IQGAP2: variants seen among roughly 807,000 people sequenced by gnomAD.
IQGAP2 encodes IQ motif containing GTPase activating protein 2.
Under a neutral mutation model 201.3 loss-of-function variants are expected in IQGAP2, and 173 were observed. The observed-to-expected ratio is 0.86, with a 90% CI of 0.76 to 0.98. The LOEUF is 0.98. Among genes scored for constraint, IQGAP2 ranks in the 50% least tolerant of loss-of-function variants. The pLI is 0.00. For missense variants in IQGAP2, 1,687 were observed against 1,864.8 expected, an observed-to-expected ratio of 0.90 and a Z score of 1.76; for synonymous variants, 675 against 673.9, an observed-to-expected ratio of 1.00 and a Z score of -0.03.
chr5:76,493,970 A>T (rs1394875434), intron 2 of IQGAP2, among the ~76,000 whole-genome samples: 1 of 152,196 alleles, frequency 6.6e-6, no homozygotes, highest in Non-Finnish European at 1.5e-5. Flanking sequence ...GTGATGTAGT[A>T]TTTGCATATA....
intron 2 of IQGAP2, among the ~76,000 whole-genome samples, chr5:76,536,945 T>C (rs1271773475): frequency 2.0e-5 from 3 of 152,176 alleles, no homozygotes; most frequent in African/African-American, 7.2e-5. Context: ...CCTTCTAGTA[T>C]CACTGAGGGA....
chr5:76,579,145 C>T lies in IQGAP2; in HGVS notation c.458+3376C>T, dbSNP rs1333222226. 2.6e-5 allele frequency among the ~76,000 whole-genome samples: 4 copies of T among 152,114 alleles called. No individual in the cohort carries two copies. The South Asian group carries it at 6.2e-4, about 24-fold the overall frequency. On this transcript the variant is annotated intron_variant, in intron 5 of 35. Transcript: ENST00000274364. ...AAATGCCCAGGTACGTTATTACAAACTTACTACACTGGAACCTATTCTGTA... is the reference window on the plus strand; with the variant it reads ...AAATGCCCAGGTACGTTATTACAAATTTACTACACTGGAACCTATTCTGTA...
At chr5:76,641,539 G>A (rs1333277745) in intron 17 of IQGAP2, among the ~76,000 whole-genome samples, 2 of 152,170 alleles carry the variant, frequency 1.3e-5, no homozygotes, top group African/African-American at 4.8e-5. Context: ...CTCTAAGAAT[G>A]TCTTCTACCT....
chr5:76,609,460 A>C (rs1748082407), intron 12 of IQGAP2, among the ~76,000 whole-genome samples: 1 of 152,234 alleles, frequency 6.6e-6, no homozygotes, highest in Non-Finnish European at 1.5e-5. Flanking sequence ...AATGATTTCT[A>C]GGAGTTTTAG....
chr5:76,489,210 G>A (rs1756368163), intron 2 of IQGAP2, among the ~76,000 whole-genome samples: 1 of 152,146 alleles, frequency 6.6e-6, no homozygotes, highest in African/African-American at 2.4e-5. Flanking sequence ...CCTGCCTGGT[G>A]GGAGCAGGTT....
At chr5:76,553,433 A>G (rs1400645304) in intron 2 of IQGAP2, among the ~76,000 whole-genome samples, 3 of 152,202 alleles carry the variant, frequency 2.0e-5, no homozygotes, top group Non-Finnish European at 2.9e-5. Context: ...TACCGTCAGG[A>G]TACTTATTCC....
intron 2 of IQGAP2, among the ~76,000 whole-genome samples, chr5:76,531,253 C>T (rs547222159): frequency 6.6e-6 from 1 of 152,116 alleles, no homozygotes; most frequent in Non-Finnish European, 1.5e-5. Context: ...TGCAAGCTTG[C>T]CTTTTTAATT....
chr5:76,647,432 T>C (rs456801), intron 17 of IQGAP2, among the ~76,000 whole-genome samples: 98,030 of 151,948 alleles, frequency 0.65, 31,865 homozygotes, highest in South Asian at 0.82. Context: ...TCCATAATTC[T>C]TGCATGTTGT....
chr5:76,686,483 T>C (rs1651340267), intron 30 of IQGAP2, among the ~76,000 whole-genome samples: 1 of 152,050 alleles, frequency 6.6e-6, no homozygotes, highest in Admixed American at 6.6e-5. Flanking sequence ...GAGACAGGTG[T>C]CCACCTTCAT....
chr5:76,634,326 A>G (rs1750954464), intron 15 of IQGAP2, among the ~76,000 whole-genome samples: 2 of 151,860 alleles, frequency 1.3e-5, no homozygotes, highest in Admixed American at 1.3e-4. Context: ...CAGCAGGGCA[A>G]TCTTGGCTCA....
intron 2 of IQGAP2, among the ~76,000 whole-genome samples, chr5:76,474,246 C>T (rs1755281281): frequency 6.6e-6 from 1 of 152,018 alleles, no homozygotes; most frequent in South Asian, 2.1e-4. Flanking sequence ...TCTCTATACA[C>T]CATGTTGAGT....
chr5:76,515,872 C>CTTTT lies in IQGAP2; in HGVS notation c.147-46504_147-46501dup, dbSNP rs71604295. Among the ~76,000 whole-genome samples the CTTTT allele has an allele frequency of 1.0e-3, 104 of 102,692 alleles. 1 individual carries two copies. The highest frequency in any genetic ancestry group is 1.7e-3 in the African/African-American group (43 of 25,304). 67.4% of individuals were successfully genotyped at this position (102,692 alleles called of 152,430 possible). A position where few individuals can be genotyped will look rare whatever the true frequency, so the allele number is the denominator to read the frequency against. On this transcript the variant is annotated intron_variant, in intron 2 of 35. Transcript: ENST00000274364. The stretch of plus-strand genomic sequence containing the variant: ...CCTCATTGAGGAACAAGGGGGTGAT[C>CTTTT]TTTTTTTTTTTTTTTTTTTTTTTGA...
intron 29 of IQGAP2, among the ~76,000 whole-genome samples, 166 bp downstream of exon 29, chr5:76,683,383 G>A (rs958795776): frequency 2.6e-5 from 4 of 152,174 alleles, no homozygotes; most frequent in Non-Finnish European, 4.4e-5. Flanking sequence ...TACAGTAAGA[G>A]TTCTGTAATT....
At chr5:76,446,934 C>T (rs1269404677) in intron 1 of IQGAP2, among the ~76,000 whole-genome samples, 3 of 152,206 alleles carry the variant, frequency 2.0e-5, no homozygotes, top group African/African-American at 7.2e-5. Context: ...TCCCTCTTGA[C>T]GTGCTTCCTT....
At position 76,570,627 on chromosome 5, in the gene IQGAP2, A is replaced by C. The variant is rs757563873; in HGVS notation, c.351A>C (p.Leu117Phe). The change falls in exon 4 of 36, where the codon TTA becomes TTC. Residue 117 changes from leucine (L) to phenylalanine (F), a missense_variant. By Grantham distance (22) the Leu-to-Phe change is conservative (BLOSUM62 0). Transcript: ENST00000274364. ...FRHTDNTVQW[L>F]RAMESIGLPK... ...ACACAGATAATACCGTCCAGTGGTT[A>C]AGAGCGATGGAGTCTATTGGTCTAC... is the stretch of plus-strand genomic sequence containing the variant. 1 of 1,613,850 alleles carries C rather than the reference A, an allele frequency of 6.2e-7. No individual in the cohort carries two copies. Among genetic ancestry groups the C allele is most frequent in the East Asian group, 2.2e-5 (1 of 44,886 alleles).
intron 24 of IQGAP2, 76 bp from the exon 25 acceptor site, chr5:76,673,373 C>T (rs1275534793): frequency 1.3e-6 from 2 of 1,505,170 alleles, no homozygotes; most frequent in East Asian, 4.5e-5. Flanking sequence ...CAAAGCTTGA[C>T]TATAGAACCA....
At position 76,654,228 on chromosome 5, in the gene IQGAP2, C is replaced by T; in HGVS notation, c.2207C>T (p.Ala736Val). ...KIQSWFRMAT[A>V]RKSYLSRLQY... Reference sequence around the variant, plus strand: ...CAGTCCTGGTTCCGAATGGCAACTGCAAGAAAGAGCTATCTTTCAAGACTA... The same window carrying T: ...CAGTCCTGGTTCCGAATGGCAACTGTAAGAAAGAGCTATCTTTCAAGACTA... Residue 736 changes from alanine (A) to valine (V), a missense_variant, in exon 19 of 36, where the codon GCA becomes GTA. Coordinates refer to ENST00000274364, the MANE Select transcript of IQGAP2 (RefSeq NM_006633.5). 6.2e-7 allele frequency: 1 copy of T among 1,610,492 alleles called. No homozygotes were observed.
intron 1 of IQGAP2, among the ~76,000 whole-genome samples, chr5:76,420,738 C>T (rs572129992): frequency 6.6e-6 from 1 of 152,190 alleles, no homozygotes; most frequent in Admixed American, 6.5e-5. Flanking sequence ...CTCCCATTCT[C>T]TCTCCTCCCA....
At chr5:76,478,198 G>C (rs1278968034) in intron 2 of IQGAP2, among the ~76,000 whole-genome samples, 2 of 152,144 alleles carry the variant, frequency 1.3e-5, no homozygotes, top group Non-Finnish European at 2.9e-5. Context: ...CCAAGAGTTT[G>C]AGACCAGCCT....
Sources: allele counts gnomAD v4.1 joint callset (sites outside exome capture counted in the v4.1 genomes callset), GRCh38; gene constraint gnomAD v4.1.1; transcripts MANE v1.5; gene names NCBI Gene and HGNC (gene_info 2026-07-23, HGNC 2026-07-21).